Variants in SUOX observed in about 807,000 individuals in gnomAD.
SUOX encodes sulfite oxidase, also known as sulfite oxidase, mitochondrial.
Under a neutral mutation model 41.9 loss-of-function variants are expected in SUOX, and 39 were observed. That is an observed-to-expected ratio of 0.93 (90% CI 0.72 to 1.21). The LOEUF (loss-of-function observed/expected upper bound fraction) is 1.21. Ranked by LOEUF, SUOX falls within the 50% of genes most tolerant of loss-of-function variation. SUOX has a pLI of 0.00. For synonymous variants in SUOX, 220 were observed against 268.4 expected, an observed-to-expected ratio of 0.82 and a Z score of 1.76; for missense variants, 633 against 689.5, an observed-to-expected ratio of 0.92 and a Z score of 0.92.
At chr12:55,999,798 A>G (rs1890444578) in intron 2 of SUOX, among the ~76,000 whole-genome samples, 1 of 152,158 alleles carries the variant, frequency 6.6e-6, no homozygotes, top group African/African-American at 2.4e-5. Flanking sequence ...CTGTTTTGAC[A>G]GGGTGCTGAT....
chr12:56,002,477 G>A, intron 3 of SUOX, 66 bp from the exon 4 acceptor site: 3 of 1,603,592 alleles, frequency 1.9e-6, no homozygotes, highest in Non-Finnish European at 2.6e-6. Flanking sequence ...GAAAGAAGTA[G>A]ACCCCAAGCC....
chr12:56,002,273 T>C lies in SUOX; in HGVS notation c.50+2T>C. On this transcript the variant is annotated splice_donor_variant, in intron 3 of 4. Transcript: ENST00000266971. LOFTEE classifies it high-confidence loss of function. ...CCTCAGGCTCCAACAGGCCTGCAGG[T>C]AGGCCAGCCCATCCCAGGACTTGCC... The C allele has an allele frequency of 1.2e-6, 2 of 1,611,292 alleles. No homozygotes were observed. Among genetic ancestry groups the C allele is most frequent in the Non-Finnish European group, 1.7e-6 (2 of 1,180,018 alleles).
chr12:56,003,588 C>A, intron 4 of SUOX, 30 bp from the exon 5 acceptor site: 1 of 1,603,496 alleles, frequency 6.2e-7, no homozygotes, highest in South Asian at 1.1e-5. Context: ...TAGTCTCTTC[C>A]CTTTTATCTT....
chr12:56,002,797 G>A, intron 4 of SUOX, 77 bp downstream of exon 4: 1 of 1,572,756 alleles, frequency 6.4e-7, no homozygotes, highest in Non-Finnish European at 8.7e-7. Flanking sequence ...CACTATAGGA[G>A]GCCAAGGTGG....
chr12:56,003,030 CT>C (rs1890591472), intron 4 of SUOX: 4 of 231,582 alleles, frequency 1.7e-5, no homozygotes, highest in Admixed American at 6.0e-5. Context: ...GAGACTCCAT[CT>C]CAAAAAAAAA....
intron 3 of SUOX, 48 bp from the exon 4 acceptor site, chr12:56,002,495 G>T: frequency 6.2e-7 from 1 of 1,611,514 alleles, no homozygotes. Context: ...GCCTTCACTA[G>T]CCCTTTCACA....
At chr12:55,997,984 C>G (rs1890368785) in intron 2 of SUOX, among the ~76,000 whole-genome samples, 1 of 152,128 alleles carries the variant, frequency 6.6e-6, no homozygotes, top group African/African-American at 2.4e-5. Flanking sequence ...TCCAGCCTGC[C>G]CCTGACACTC....
chr12:56,002,737 C>A lies in SUOX; in HGVS notation c.228+17C>A. 6.2e-7 allele frequency: 1 copy of A among 1,613,706 alleles called. No homozygotes were observed. The highest frequency in any genetic ancestry group is 8.5e-7 in the Non-Finnish European group (1 of 1,179,906). On this transcript the variant is annotated intron_variant, in intron 4 of 4. Coordinates refer to ENST00000266971, the MANE Select transcript of SUOX (RefSeq NM_001032386.2). The stretch of plus-strand genomic sequence containing the variant: ...CGGTGTAGGGTAAGTAGGGAAAGTG[C>A]TTCATTGTCAGAACAGACTGGGTGC...
In SUOX at chr12:56,005,168, C is replaced by A; in HGVS notation, c.*141C>A. 2 of 928,308 alleles carry A rather than the reference C, an allele frequency of 2.2e-6. No homozygotes were observed. Among genetic ancestry groups the A allele is most frequent in the Non-Finnish European group, 3.4e-6 (2 of 594,466 alleles). 57.5% of individuals were successfully genotyped at this position (928,308 alleles called of 1,614,324 possible). On this transcript the variant is annotated 3_prime_UTR_variant, in exon 5 of 5. Coordinates refer to ENST00000266971, the MANE Select transcript of SUOX (RefSeq NM_001032386.2). ...CCAAGTACACATATAGCACATTTCACCCAAGGACCTTCCCTCTTTGGACAC... is the reference window on the plus strand; with the variant it reads ...CCAAGTACACATATAGCACATTTCAACCAAGGACCTTCCCTCTTTGGACAC...
chr12:56,003,856 A>T lies in SUOX; in HGVS notation c.467A>T (p.Lys156Met). 1 of 1,614,078 alleles carries T rather than the reference A, an allele frequency of 6.2e-7. No homozygotes were observed. The highest frequency in any genetic ancestry group is 8.5e-7 in the Non-Finnish European group (1 of 1,180,018). ...SHVRELLAQYKIGELNPEDKV... is the reference protein window; with the variant it reads ...SHVRELLAQYMIGELNPEDKV... ...GTGCGTGAGTTACTGGCTCAGTACA[A>T]GATTGGGGAGCTGAATCCTGAAGAC... The change falls in exon 5 of 5, where the codon AAG becomes ATG. Residue 156 changes from lysine to methionine, a missense_variant. Coordinates refer to ENST00000266971, the MANE Select transcript of SUOX (RefSeq NM_001032386.2).
At position 56,004,288 on chromosome 12, in the gene SUOX, ATG is replaced by A; in HGVS notation, c.903_904del (p.Leu302SerfsTer9). 6.2e-7 allele frequency: 1 copy of A among 1,614,046 alleles called. No individual in the cohort carries two copies. Among genetic ancestry groups the A allele is most frequent in the Non-Finnish European group, 8.5e-7 (1 of 1,179,998 alleles). ...CGCTGGGCTGGGGCACGGCTCTGTG[ATG>A]TGTTAGCCCAGGCTGGCCACCAACT... On this transcript the variant is annotated frameshift_variant, in exon 5 of 5. Coordinates refer to ENST00000266971, the MANE Select transcript of SUOX (RefSeq NM_001032386.2). LOFTEE classifies it high-confidence loss of function. This position sits in a 1 kb window ranked among gnomAD's most constrained non-coding sequence, Gnocchi z 4.5.
chr12:56,004,334 C>T lies in SUOX; in HGVS notation c.945C>T (p.His315=), dbSNP rs771965474. 16 of 1,614,134 alleles carry T rather than the reference C, an allele frequency of 9.9e-6. No homozygotes were observed. Among genetic ancestry groups the T allele is most frequent in the East Asian group, 2.2e-5 (1 of 44,888 alleles). ...ACCAACTCTGTGAAACTGAGGCCCA[C>T]GTCTGCTTTGAGGGACTGGACTCAG... ...AGHQLCETEA[H]VCFEGLDSDP... The change falls in exon 5 of 5, where the codon CAC becomes CAT. Residue 315 remains histidine (H), a synonymous_variant. Transcript: ENST00000266971. The surrounding 1 kb of genome is among the most constrained non-coding windows in gnomAD (Gnocchi z 4.5).
chr12:55,998,653 T>TA lies in SUOX; in HGVS notation c.-11+931dup, dbSNP rs1592819539. The stretch of plus-strand genomic sequence containing the variant: ...GAGTTCAAGACCAGCCCTGACAACA[T>TA]AGACTCCCATGTCTACAGAAAAATT... On this transcript the variant is annotated intron_variant, in intron 2 of 4. Coordinates refer to ENST00000266971, the MANE Select transcript of SUOX (RefSeq NM_001032386.2). Among the ~76,000 whole-genome samples, 2 of 151,524 alleles carry TA rather than the reference T, an allele frequency of 1.3e-5. 1 individual carries two copies. The highest frequency in any genetic ancestry group is 2.9e-5 in the Non-Finnish European group (2 of 67,914).
At position 56,005,288 on chromosome 12, in the gene SUOX, A is replaced by G. The variant is rs1890702911; in HGVS notation, c.*261A>G. On this transcript the variant is annotated 3_prime_UTR_variant, in exon 5 of 5. Coordinates refer to ENST00000266971, the MANE Select transcript of SUOX (RefSeq NM_001032386.2). ...AAGTGAAAAAAGTAATTCTGGAGAC[A>G]AGCACTATTTTCTCTTCCTACCCCA... 1 of 596,408 alleles carries G rather than the reference A, an allele frequency of 1.7e-6. No homozygotes were observed. The highest frequency in any genetic ancestry group is 3.0e-6 in the Non-Finnish European group (1 of 334,804). 36.9% of individuals were successfully genotyped at this position (596,408 alleles called of 1,614,324 possible).
intron 2 of SUOX, among the ~76,000 whole-genome samples, chr12:56,000,769 TTTTTTC>T (rs559784784): frequency 6.6e-6 from 1 of 152,226 alleles, no homozygotes; most frequent in African/African-American, 2.4e-5. Context: ...ATGTTATAAT[TTTTTTC>T]TTTTTCTTTG....
At chr12:56,002,162 A>G (rs369753514) in intron 2 of SUOX, 50 bp from the exon 3 acceptor site, 119 of 1,608,340 alleles carry the variant, frequency 7.4e-5, no homozygotes, top group Non-Finnish European at 6.4e-5. Flanking sequence ...CCTCCCTAAT[A>G]TCCCCTCCCA....
rs1890677434 is a variant in SUOX at position 56,004,693 on chromosome 12, G to A, written c.1304G>A (p.Gly435Glu). The change falls in exon 5 of 5, where the codon GGA (glycine) becomes GAA (glutamate). Residue 435 changes from glycine to glutamate, a missense_variant. Coordinates refer to ENST00000266971, the MANE Select transcript of SUOX (RefSeq NM_001032386.2). This position sits in a 1 kb window ranked among gnomAD's most constrained non-coding sequence, Gnocchi z 4.5. ...VQSAITEPRD[G>E]ETVESGEVTI... ...TCGGCCATCACAGAGCCCCGGGATG[G>A]AGAGACTGTAGAATCAGGGGAGGTG... 1.2e-6 allele frequency: 2 copies of A among 1,613,922 alleles called. No homozygotes were observed. Among genetic ancestry groups the A allele is most frequent in the East Asian group, 4.5e-5 (2 of 44,866 alleles).
At position 56,002,648 on chromosome 12, in the gene SUOX, C is replaced by G. The variant is rs377388666; in HGVS notation, c.156C>G (p.Thr52=). ...CCTTCTCTGGTGATAACTCCAGCAC[C>G]CAGGGATGGAGAGTCATGGGGACCC... ...SLTFSGDNSS[T]QGWRVMGTLL... is the part of the protein sequence containing the mutation. The change falls in exon 4 of 5, where the codon ACC becomes ACG. Residue 52 remains threonine, a synonymous_variant. Transcript: ENST00000266971. The G allele has an allele frequency of 1.9e-6, 3 of 1,613,948 alleles. No individual in the cohort carries two copies. In the African/African-American group the frequency reaches 4.0e-5, roughly 22 times the overall value.
In SUOX at chr12:56,004,752, A is replaced by G; in HGVS notation, c.1363A>G (p.Arg455Gly). 6.2e-7 allele frequency: 1 copy of G among 1,614,068 alleles called. No homozygotes were observed. The highest frequency in any genetic ancestry group is 8.5e-7 in the Non-Finnish European group (1 of 1,179,962). Residue 455 changes from arginine (R) to glycine (G), a missense_variant, in exon 5 of 5, where the codon AGG (arginine) becomes GGG (glycine). Physicochemically the swap from Arg to Gly is moderately radical, Grantham distance 125. Coordinates refer to ENST00000266971, the MANE Select transcript of SUOX (RefSeq NM_001032386.2). The surrounding 1 kb of genome is among the most constrained non-coding windows in gnomAD (Gnocchi z 4.5). ...GGGCTATGCATGGAGTGGTGGTGGC[A>G]GGGCTGTGATCCGGGTGGATGTGTC... The part of the protein sequence containing the change: ...IKGYAWSGGG[R>G]AVIRVDVSLD...
Sources: gnomAD v4.1 joint callset for allele counts (sites outside exome capture counted in the v4.1 genomes callset) on GRCh38, gnomAD v4.1.1 for gene constraint, Gnocchi (gnomAD v3.1) non-coding constraint, MANE v1.5 for transcripts, NCBI Gene and HGNC (gene_info 2026-07-23, HGNC 2026-07-21) for gene names.